Variants in CCBE1 observed in about 807,000 individuals in gnomAD.
The protein encoded by CCBE1 is collagen and calcium-binding EGF domain-containing protein 1.
Under a neutral mutation model 50.0 loss-of-function variants are expected in CCBE1, and 37 were observed. The observed-to-expected ratio is 0.74, with a 90% CI of 0.57 to 0.97. The LOEUF is 0.97. Ranked by LOEUF, CCBE1 falls within the 50% of genes least tolerant of loss-of-function variation. CCBE1 has a pLI of 0.00. For missense variants in CCBE1, 538 were observed against 523.8 expected (o/e 1.03, Z -0.26); for synonymous variants, 234 against 203.7 (o/e 1.15, Z -1.27).
chr18:59,546,441 AG>A (rs1338022281), intron 2 of CCBE1, among the ~76,000 whole-genome samples: 1 of 152,180 alleles, frequency 6.6e-6, no homozygotes, highest in Non-Finnish European at 1.5e-5. Context: ...AGGCTTGATA[AG>A]GGTTTGTACA....
intron 2 of CCBE1, among the ~76,000 whole-genome samples, chr18:59,583,827 C>T (rs964514179): frequency 6.6e-6 from 1 of 152,150 alleles, no homozygotes; most frequent in Non-Finnish European, 1.5e-5. Flanking sequence ...TGGTTTGGAT[C>T]TGTGTCCCTG....
At chr18:59,645,303 G>A (rs2054041783) in intron 2 of CCBE1, among the ~76,000 whole-genome samples, 1 of 152,168 alleles carries the variant, frequency 6.6e-6, no homozygotes, top group African/African-American at 2.4e-5. Flanking sequence ...AATATCACAA[G>A]TCCACACATG....
chr18:59,443,747 G>T (rs976371743), intron 7 of CCBE1, among the ~76,000 whole-genome samples: 6 of 152,150 alleles, frequency 3.9e-5, no homozygotes, highest in Non-Finnish European at 8.8e-5. Context: ...TGGGATTACA[G>T]GTGTGAGCCA....
Position 59,618,300 on chromosome 18 carries a change from A to G in CCBE1, c.212+78329T>C, listed in dbSNP as rs1300344888. Among the ~76,000 whole-genome samples the G allele has an allele frequency of 2.0e-5, 3 of 152,134 alleles. No individual in the cohort carries two copies. In the South Asian group the frequency reaches 6.2e-4, roughly 32 times the overall value. ...CCACTGCTATTGAAAAAAATATTTA[A>G]TAAATTAAGATGTTTTCCACAGAAT... On this transcript the variant is annotated intron_variant, in intron 2 of 10. Transcript: ENST00000439986.
rs539686687 is a variant in CCBE1 at position 59,530,837 on chromosome 18, A to G, written c.213-50599T>C. Among the ~76,000 whole-genome samples, 15 of 152,368 alleles carry G rather than the reference A, an allele frequency of 9.8e-5. No homozygotes were observed. The South Asian group carries it at 2.9e-3, about 29-fold the overall frequency. Reference sequence around the variant, plus strand: ...AGATAGTTTTCTTAAATATCTTATTAATCAATACTATTAGGAAAGCTATCG... The same window carrying G: ...AGATAGTTTTCTTAAATATCTTATTGATCAATACTATTAGGAAAGCTATCG... On this transcript the variant is annotated intron_variant, in intron 2 of 10. Coordinates refer to ENST00000439986, the MANE Select transcript of CCBE1 (RefSeq NM_133459.4).
intron 2 of CCBE1, among the ~76,000 whole-genome samples, chr18:59,632,331 C>T (rs912140478): frequency 1.3e-5 from 2 of 152,154 alleles, no homozygotes; most frequent in African/African-American, 4.8e-5. Flanking sequence ...TGCTCTATTG[C>T]CCAGGCTGGA....
In CCBE1 at chr18:59,697,415, G is replaced by A; in HGVS notation, c.-73C>T. On this transcript the variant is annotated 5_prime_UTR_variant, in exon 1 of 11. Coordinates refer to ENST00000439986, the MANE Select transcript of CCBE1 (RefSeq NM_133459.4). ...AGCGTCCTGCTCCTCCGCGGCCGCC[G>A]CCGCCTTCCCTCTTCCCGGCAGGGG... The A allele has an allele frequency of 1.3e-6, 2 of 1,505,454 alleles. No homozygotes were observed. Among genetic ancestry groups the A allele is most frequent in the African/African-American group, 1.4e-5 (1 of 71,748 alleles). 93.3% of individuals were successfully genotyped at this position (1,505,454 alleles called of 1,614,324 possible).
At chr18:59,686,465 G>A (rs553189988) in intron 2 of CCBE1, among the ~76,000 whole-genome samples, 1 of 152,300 alleles carries the variant, frequency 6.6e-6, no homozygotes, top group East Asian at 1.9e-4. Context: ...ACCTGCGTGT[G>A]ACCTTGACAC....
chr18:59,527,276 T>TA (rs762188867), intron 2 of CCBE1, among the ~76,000 whole-genome samples: 1 of 152,192 alleles, frequency 6.6e-6, no homozygotes, highest in Non-Finnish European at 1.5e-5. Flanking sequence ...TTTCTTTTTT[T>TA]ATCTCTGTTG....
intron 2 of CCBE1, among the ~76,000 whole-genome samples, chr18:59,537,794 C>T (rs886208501): frequency 6.6e-6 from 1 of 152,186 alleles, no homozygotes; most frequent in Admixed American, 6.5e-5. Context: ...AACTTGAATG[C>T]GTGATATACC....
intron 2 of CCBE1, among the ~76,000 whole-genome samples, chr18:59,593,982 C>T (rs1352325711): frequency 1.1e-4 from 16 of 152,172 alleles, no homozygotes; most frequent in Non-Finnish European, 7.3e-5. Context: ...AGAACCATGT[C>T]CCCCTAAAGC....
intron 2 of CCBE1, among the ~76,000 whole-genome samples, chr18:59,689,504 G>A (rs1290467390): frequency 6.6e-6 from 1 of 152,186 alleles, no homozygotes. Flanking sequence ...GCTTAATGAG[G>A]ATTAAGTGTG....
intron 7 of CCBE1, among the ~76,000 whole-genome samples, chr18:59,446,367 T>C (rs559015323): frequency 6.6e-6 from 1 of 151,982 alleles, no homozygotes; most frequent in South Asian, 2.1e-4. Flanking sequence ...TAGAGGAGGG[T>C]GGAGAGCACT....
intron 2 of CCBE1, among the ~76,000 whole-genome samples, chr18:59,535,651 G>T (rs937712035): frequency 6.6e-6 from 1 of 152,104 alleles, no homozygotes; most frequent in South Asian, 2.1e-4. Flanking sequence ...ATGTTCAACA[G>T]AATATGTAAA....
intron 2 of CCBE1, among the ~76,000 whole-genome samples, chr18:59,595,356 A>G (rs1437199822): frequency 6.6e-6 from 1 of 152,032 alleles, no homozygotes; most frequent in Non-Finnish European, 1.5e-5. Context: ...CTGGCCTTCG[A>G]TAACAGGCAA....
At chr18:59,513,538 A>G (rs922289653) in intron 2 of CCBE1, among the ~76,000 whole-genome samples, 1 of 152,216 alleles carries the variant, frequency 6.6e-6, no homozygotes, top group Non-Finnish European at 1.5e-5. Context: ...ACAGTCAGGT[A>G]AGTCTGGAGG....
intron 2 of CCBE1, among the ~76,000 whole-genome samples, chr18:59,687,835 C>A (rs2054677672): frequency 6.6e-6 from 1 of 152,140 alleles, no homozygotes; most frequent in African/African-American, 2.4e-5. Flanking sequence ...GTGGCACATG[C>A]TTATAGTCCC....
chr18:59,625,443 A>AT (rs66681230), intron 2 of CCBE1, among the ~76,000 whole-genome samples: 2 of 71,320 alleles, frequency 2.8e-5, no homozygotes, highest in South Asian at 1.0e-3. Context: ...AAAAAAAAAA[A>AT]AAAAAAAAAA....
chr18:59,559,533 C>T (rs912188607), intron 2 of CCBE1, among the ~76,000 whole-genome samples: 2 of 152,200 alleles, frequency 1.3e-5, no homozygotes, highest in African/African-American at 4.8e-5. Context: ...GCTGCGCAAC[C>T]CAGTCCCATC....
Sources: allele counts gnomAD v4.1 joint callset (sites outside exome capture counted in the v4.1 genomes callset), GRCh38; gene constraint gnomAD v4.1.1; transcripts MANE v1.5; gene names NCBI Gene and HGNC (gene_info 2026-07-23, HGNC 2026-07-21).